Variants in METTL15 observed in about 807,000 individuals in gnomAD.
METTL15 encodes 12S rRNA N(4)-cytidine methyltransferase METTL15.
Under a neutral mutation model 38.3 loss-of-function variants are expected in METTL15, and 34 were observed. The ratio of observed to expected loss-of-function variants is 0.89; its 90% CI spans 0.68 to 1.18. The LOEUF (loss-of-function observed/expected upper bound fraction) is 1.18, where lower values mean the gene tolerates loss of function less well. Among genes scored for constraint, METTL15 ranks in the 50% most tolerant of loss-of-function variants. The pLI is 0.00. For missense variants in METTL15, 438 were observed against 498.4 expected (o/e 0.88, Z 1.15); for synonymous variants, 162 against 170.9 (o/e 0.95, Z 0.41).
chr11:28,306,771 A>T (rs1374347313), intron 6 of METTL15, among the ~76,000 whole-genome samples: 1 of 152,062 alleles, frequency 6.6e-6, no homozygotes, highest in Non-Finnish European at 1.5e-5. Flanking sequence ...ATTGACAAAG[A>T]TCAAAGATTA....
chr11:28,202,478 T>G (rs772546822), intron 3 of METTL15, among the ~76,000 whole-genome samples: 11 of 152,088 alleles, frequency 7.2e-5, no homozygotes, highest in Non-Finnish European at 1.3e-4. Flanking sequence ...GCTGTTTGTT[T>G]GCATGTCTAA....
At chr11:28,276,547 A>G (rs1042861719) in intron 4 of METTL15, among the ~76,000 whole-genome samples, 1 of 152,152 alleles carries the variant, frequency 6.6e-6, no homozygotes, top group Non-Finnish European at 1.5e-5. Flanking sequence ...TACAATCTGT[A>G]TCAAACACCA....
intron 4 of METTL15, chr11:28,261,048 T>A (rs1245689989): frequency 3.9e-5 from 6 of 152,190 alleles, no homozygotes; most frequent in Non-Finnish European, 1.5e-5. Flanking sequence ...CACGTGTTTG[T>A]CTTTTATCAT....
chr11:28,513,202 A>G (rs556131331), intron 6 of METTL15, among the ~76,000 whole-genome samples: 6 of 152,314 alleles, frequency 3.9e-5, no homozygotes, highest in Middle Eastern at 3.4e-3. Flanking sequence ...CACTGTTCAG[A>G]TAGGACTTGC....
chr11:28,157,232 A>C (rs553765825), intron 3 of METTL15, among the ~76,000 whole-genome samples: 94 of 152,308 alleles, frequency 6.2e-4, no homozygotes, highest in African/African-American at 2.3e-3. Context: ...GAGGCAACAC[A>C]TTCCTCATTT....
chr11:28,482,984 T>C (rs1851407975), intron 6 of METTL15, among the ~76,000 whole-genome samples: 1 of 151,836 alleles, frequency 6.6e-6, no homozygotes, highest in Admixed American at 6.6e-5. Context: ...GATCAGCCTC[T>C]CTCCTCTTCT....
At chr11:28,495,021 G>A (rs185181349) in intron 6 of METTL15, among the ~76,000 whole-genome samples, 32 of 152,332 alleles carry the variant, frequency 2.1e-4, no homozygotes, top group Non-Finnish European at 1.5e-5. Context: ...CTGGCATGGA[G>A]TCACTGCTGA....
Position 28,343,924 on chromosome 11 carries a change from A to G in METTL15, c.*190-8166A>G, listed in dbSNP as rs540914489. On this transcript the variant is annotated intron_variant and NMD_transcript_variant, in intron 3 of 7. Transcript: ENST00000532947. ...GAAAATTCTGTAATAGAAGGTAAGT[A>G]CTATGACAGCCCAAAGAAATAAAGA... is the stretch of plus-strand genomic sequence containing the variant. Among the ~76,000 whole-genome samples, 7 of 152,342 alleles carry G rather than the reference A, an allele frequency of 4.6e-5. No individual in the cohort carries two copies. In the East Asian group the frequency reaches 5.8e-4, roughly 13 times the overall value.
At chr11:28,412,474 G>A (rs1850736738) in intron 5 of METTL15, among the ~76,000 whole-genome samples, 1 of 151,776 alleles carries the variant, frequency 6.6e-6, no homozygotes, top group Non-Finnish European at 1.5e-5. Flanking sequence ...CACATTTTCT[G>A]TTATGGTGAT....
chr11:28,153,843 A>G (rs1850175485), intron 3 of METTL15, among the ~76,000 whole-genome samples: 1 of 152,118 alleles, frequency 6.6e-6, no homozygotes, highest in South Asian at 2.1e-4. Context: ...CAGAGGATCT[A>G]ATCGTTAGGC....
At chr11:28,141,667 A>G (rs1290719545) in intron 3 of METTL15, among the ~76,000 whole-genome samples, 1 of 152,124 alleles carries the variant, frequency 6.6e-6, no homozygotes, top group Non-Finnish European at 1.5e-5. Context: ...CAGCCTGGTT[A>G]ACACACTGAA....
chr11:28,272,232 G>T lies in METTL15; in HGVS notation c.408-17974G>T, dbSNP rs541025935. ...CCCATTACTGGGTATATACCCAAAG[G>T]ATTATAAATAATTCTACTATAAAGA... On this transcript the variant is annotated intron_variant, in intron 4 of 6. Coordinates refer to ENST00000407364, the MANE Select transcript of METTL15 (RefSeq NM_001113528.2). Among the ~76,000 whole-genome samples, 20 of 152,218 alleles carry T rather than the reference G, an allele frequency of 1.3e-4. 1 individual carries two copies. Among genetic ancestry groups the T allele is most frequent in the African/African-American group, 4.8e-4 (20 of 41,524 alleles).
At chr11:28,283,143 A>G (rs1363258674) in intron 4 of METTL15, among the ~76,000 whole-genome samples, 4 of 152,166 alleles carry the variant, frequency 2.6e-5, no homozygotes, top group East Asian at 1.9e-4. Context: ...TAGGAGGATA[A>G]ACGAATAGAT....
chr11:28,399,676 A>G (rs1400233153), intron 5 of METTL15, among the ~76,000 whole-genome samples: 1 of 151,916 alleles, frequency 6.6e-6, no homozygotes, highest in Non-Finnish European at 1.5e-5. Flanking sequence ...CTCCCTTAAT[A>G]TACAATTCCA....
At chr11:28,255,063 G>C (rs1188268242) in intron 4 of METTL15, among the ~76,000 whole-genome samples, 1 of 152,030 alleles carries the variant, frequency 6.6e-6, no homozygotes, top group Non-Finnish European at 1.5e-5. Context: ...GGGTACTGTA[G>C]GCATTTTAAC....
chr11:28,511,429 T>C (rs1032528394), intron 6 of METTL15, among the ~76,000 whole-genome samples: 2 of 152,178 alleles, frequency 1.3e-5, no homozygotes, highest in South Asian at 2.1e-4. Context: ...GTGTTCGGAA[T>C]TGGTGGGTTC....
At chr11:28,174,728 T>C (rs1850988629) in intron 3 of METTL15, among the ~76,000 whole-genome samples, 1 of 148,158 alleles carries the variant, frequency 6.7e-6, no homozygotes, top group Non-Finnish European at 1.5e-5. Flanking sequence ...GGCGGGAGAA[T>C]GGTATGAAGC....
chr11:28,213,223 G>T (rs1383896694), intron 4 of METTL15, among the ~76,000 whole-genome samples: 1 of 151,982 alleles, frequency 6.6e-6, no homozygotes, highest in East Asian at 1.9e-4. Context: ...AAACAAATCA[G>T]AGTAAGCCAA....
intron 6 of METTL15, among the ~76,000 whole-genome samples, chr11:28,304,316 C>T (rs1413123227): frequency 6.6e-6 from 1 of 152,162 alleles, no homozygotes; most frequent in African/African-American, 2.4e-5. Context: ...GTATATCTTT[C>T]CACAGTGGCA....
Sources: allele counts gnomAD v4.1 joint callset (sites outside exome capture counted in the v4.1 genomes callset), GRCh38; gene constraint gnomAD v4.1.1; transcripts MANE v1.5; gene names NCBI Gene and HGNC (gene_info 2026-07-23, HGNC 2026-07-21).